Variants in PRKN observed in about 807,000 individuals in gnomAD.
The protein encoded by PRKN is E3 ubiquitin-protein ligase parkin.
PRKN carries 56 observed loss-of-function variants against 59.5 expected under a neutral mutation model. The ratio of observed to expected loss-of-function variants is 0.94; its 90% CI spans 0.76 to 1.18. The LOEUF (loss-of-function observed/expected upper bound fraction) is 1.18, where lower values mean the gene tolerates loss of function less well. Ranked by LOEUF, PRKN falls within the 50% of genes most tolerant of loss-of-function variation. The probability of loss-of-function intolerance (pLI) is 0.00; values close to 1 mark genes in which losing one functional copy is unlikely to be tolerated. For missense variants in PRKN, 657 were observed against 596.4 expected, an observed-to-expected ratio of 1.10 and a Z score of -1.06; for synonymous variants, 250 against 222.1, an observed-to-expected ratio of 1.13 and a Z score of -1.12.
intron 6 of PRKN, among the ~76,000 whole-genome samples, chr6:161,834,017 T>G (rs180870039): frequency 9.2e-5 from 14 of 152,224 alleles, no homozygotes; most frequent in African/African-American, 3.4e-4. Context: ...TTTTAATTGA[T>G]CAAACACTAA....
chr6:162,390,446 A>G (rs1787121994), intron 2 of PRKN, among the ~76,000 whole-genome samples: 1 of 145,484 alleles, frequency 6.9e-6, no homozygotes, highest in Non-Finnish European at 1.5e-5. Flanking sequence ...ATATATATAT[A>G]TTTGGATTTT....
intron 2 of PRKN, among the ~76,000 whole-genome samples, chr6:162,409,456 C>T (rs1788241955): frequency 2.0e-5 from 3 of 152,056 alleles, no homozygotes; most frequent in Admixed American, 2.0e-4. Context: ...CACGCCCAGA[C>T]CCCTCTCCCT....
intron 7 of PRKN, among the ~76,000 whole-genome samples, chr6:161,688,764 G>C (rs1049376993): frequency 3.9e-5 from 6 of 152,168 alleles, no homozygotes; most frequent in African/African-American, 1.4e-4. Context: ...AGGTCCATGG[G>C]CTGAGGTGGG....
At chr6:161,805,386 A>C (rs968746857) in intron 6 of PRKN, among the ~76,000 whole-genome samples, 5 of 151,990 alleles carry the variant, frequency 3.3e-5, no homozygotes, top group Non-Finnish European at 7.4e-5. Flanking sequence ...CTGGATAAGC[A>C]TCTGAGGATG....
intron 1 of PRKN, among the ~76,000 whole-genome samples, chr6:162,590,455 TTTA>T (rs1240105255): frequency 1.3e-5 from 2 of 152,202 alleles, no homozygotes; most frequent in Non-Finnish European, 2.9e-5. Context: ...CTTTCTTTTT[TTTA>T]TTAAGATAGT....
chr6:162,279,683 T>A (rs985105952), intron 2 of PRKN, among the ~76,000 whole-genome samples: 4 of 152,198 alleles, frequency 2.6e-5, no homozygotes, highest in African/African-American at 4.8e-5. Context: ...AGATGTCTAT[T>A]AGGACCGCTT....
intron 6 of PRKN, among the ~76,000 whole-genome samples, chr6:161,839,499 G>A (rs1458441745): frequency 6.6e-6 from 1 of 152,062 alleles, no homozygotes; most frequent in East Asian, 1.9e-4. Context: ...CTGCATCCTC[G>A]CAGCCCAGGA....
chr6:162,630,202 CT>C (rs1185793715), intron 1 of PRKN, among the ~76,000 whole-genome samples: 2 of 152,116 alleles, frequency 1.3e-5, no homozygotes, highest in Non-Finnish European at 2.9e-5. Flanking sequence ...AAAAAGATTA[CT>C]GAGTATATAA....
At chr6:161,516,467 T>TAAAAAAAAAAAAA (rs376373455) in intron 9 of PRKN, among the ~76,000 whole-genome samples, 1 of 23,144 alleles carries the variant, frequency 4.3e-5, no homozygotes, top group Non-Finnish European at 7.7e-5. Flanking sequence ...AGGCTCCTTC[T>TAAAAAAAAAAAAA]AAAAAAAAAA....
In PRKN at chr6:162,372,404, TTACTCACACGTGCTACACATGCGATCCTC is replaced by T. The variant is rs576132909; in HGVS notation, c.171+70877_171+70905del. Among the ~76,000 whole-genome samples the T allele has an allele frequency of 4.0e-3, 607 of 152,246 alleles. 5 individuals carry two copies. Among genetic ancestry groups the T allele is most frequent in the Non-Finnish European group, 7.2e-3 (490 of 68,026 alleles). On this transcript the variant is annotated intron_variant, in intron 2 of 11. Transcript: ENST00000366898. The stretch of plus-strand genomic sequence containing the variant: ...CTGTGCTCCATTCACGGCGCTGAGT[TTACTCACACGTGCTACACATGCGATCCTC>T]ACGACAGCCCTGTAAGATGGTATTA...
At chr6:161,995,809 T>C (rs1781819080) in intron 5 of PRKN, among the ~76,000 whole-genome samples, 1 of 152,112 alleles carries the variant, frequency 6.6e-6, no homozygotes, top group African/African-American at 2.4e-5. Flanking sequence ...TTGTAACCTG[T>C]AAATTAGTAC....
chr6:161,451,519 G>A lies in PRKN; in HGVS notation c.1084-64642C>T, dbSNP rs1208020720. ...ACCACCTGCCCACGGCCCACCTGAGGGAACCTGCTGCCCACAGCCTCTGCT... is the reference window on the plus strand; with the variant it reads ...ACCACCTGCCCACGGCCCACCTGAGAGAACCTGCTGCCCACAGCCTCTGCT... On this transcript the variant is annotated intron_variant, in intron 9 of 11. Transcript: ENST00000366898. This position sits in a 1 kb window ranked among gnomAD's most constrained non-coding sequence, Gnocchi z 5.9. Among the ~76,000 whole-genome samples, 1 of 152,162 alleles carries A rather than the reference G, an allele frequency of 6.6e-6. No individual in the cohort carries two copies. The highest frequency in any genetic ancestry group is 2.4e-5 in the African/African-American group (1 of 41,428).
At chr6:161,760,925 T>C (rs113622686) in intron 7 of PRKN, among the ~76,000 whole-genome samples, 1,831 of 152,316 alleles carry the variant, frequency 0.012, 24 homozygotes, top group Middle Eastern at 0.041. Context: ...GCAGCACATA[T>C]TTCAATACAA....
chr6:161,505,449 C>T (rs1490243738), intron 9 of PRKN, among the ~76,000 whole-genome samples: 9 of 151,276 alleles, frequency 5.9e-5, no homozygotes, highest in African/African-American at 2.2e-4. Flanking sequence ...GAGTAGGTTG[C>T]AAAAATATTC....
chr6:162,454,638 G>A (rs749781526), intron 1 of PRKN, among the ~76,000 whole-genome samples: 25 of 152,176 alleles, frequency 1.6e-4, no homozygotes, highest in Non-Finnish European at 3.4e-4. Flanking sequence ...TATATGGGAC[G>A]TGCCAATGGA....
At position 161,949,849 on chromosome 6, in the gene PRKN, G is replaced by A. The variant is rs139044991; in HGVS notation, c.734+23453C>T. ...AGCACACGGCACTGGGGAGAACAGC[G>A]GGCATGCCCCTGGCTGTCCAGGTCA... is the stretch of plus-strand genomic sequence containing the variant. On this transcript the variant is annotated intron_variant, in intron 6 of 11. Coordinates refer to ENST00000366898, the MANE Select transcript of PRKN (RefSeq NM_004562.3). Among the ~76,000 whole-genome samples the A allele has an allele frequency of 4.8e-4, 73 of 152,280 alleles. 1 individual carries two copies. The highest frequency in any genetic ancestry group is 1.7e-3 in the African/African-American group (70 of 41,560).
rs568190698 is a variant in PRKN at position 162,633,156 on chromosome 6, C to T, written c.7+94506G>A. Among the ~76,000 whole-genome samples the T allele has an allele frequency of 3.3e-5, 5 of 151,568 alleles. No homozygotes were observed. The South Asian group carries it at 8.3e-4, about 25-fold the overall frequency. On this transcript the variant is annotated intron_variant, in intron 1 of 11. Coordinates refer to ENST00000366898, the MANE Select transcript of PRKN (RefSeq NM_004562.3). ...AACCTTTAAAAAAAAAAATGTAGGCCGGGTGCGGTGGCTCATGCCTTAATC... is the reference window on the plus strand; with the variant it reads ...AACCTTTAAAAAAAAAAATGTAGGCTGGGTGCGGTGGCTCATGCCTTAATC...
chr6:162,711,815 T>C (rs1365071467), intron 1 of PRKN, among the ~76,000 whole-genome samples: 1 of 152,234 alleles, frequency 6.6e-6, no homozygotes, highest in Non-Finnish European at 1.5e-5. Flanking sequence ...GCTATTATCA[T>C]TGACAATGAG....
At chr6:161,672,701 G>A (rs553623911) in intron 7 of PRKN, among the ~76,000 whole-genome samples, 15 of 151,626 alleles carry the variant, frequency 9.9e-5, no homozygotes, top group South Asian at 8.4e-4. Flanking sequence ...ACTTGAACCC[G>A]GGAGGTGGAG....
Sources: allele counts gnomAD v4.1 joint callset (sites outside exome capture counted in the v4.1 genomes callset), GRCh38; gene constraint gnomAD v4.1.1; non-coding constraint Gnocchi (gnomAD v3.1); transcripts MANE v1.5; gene names NCBI Gene and HGNC (gene_info 2026-07-23, HGNC 2026-07-21).